PSMC6: variants seen among roughly 807,000 people sequenced by gnomAD.
PSMC6 encodes proteasome 26S subunit, ATPase 6, also known as 26S proteasome regulatory subunit 10B.
In PSMC6, 3 loss-of-function variants were observed where a neutral mutation model predicts 55.9. The ratio of observed to expected loss-of-function variants is 0.05; its 90% CI spans 0.02 to 0.14. The LOEUF (loss-of-function observed/expected upper bound fraction) is 0.14, where lower values mean the gene tolerates loss of function less well. PSMC6 is among the 10% of genes least tolerant of loss of function. PSMC6 has a pLI of 1.00. For synonymous variants in PSMC6, 137 were observed against 155.9 expected (o/e 0.88, Z 0.90); for missense variants, 210 against 478.7 (o/e 0.44, Z 5.24).
At chr14:52,719,614 AT>A (rs2041866920) in intron 10 of PSMC6, among the ~76,000 whole-genome samples, 1 of 152,212 alleles carries the variant, frequency 6.6e-6, no homozygotes, top group Non-Finnish European at 1.5e-5. Context: ...AGCATGGGTA[AT>A]GCAGTGTCAA....
Position 52,708,703 on chromosome 14 carries a change from G to A in PSMC6, c.206-61G>A, listed in dbSNP as rs907278116. 19 of 1,605,124 alleles carry A rather than the reference G, an allele frequency of 1.2e-5. No homozygotes were observed. In the Admixed American group the frequency reaches 1.5e-4, roughly 13 times the overall value. On this transcript the variant is annotated intron_variant, in intron 3 of 13. Transcript: ENST00000445930. ...AAATACAACTAAACCCTCTGTCAAC[G>A]TGGGTATGTATTTTTTTACTTTCTA...
intron 6 of PSMC6, among the ~76,000 whole-genome samples, chr14:52,713,265 G>C (rs189116967): frequency 2.4e-3 from 372 of 152,242 alleles, no homozygotes; most frequent in Non-Finnish European, 4.3e-3. Context: ...GGTACTATAA[G>C]TAATTTAAAT....
Position 52,724,051 on chromosome 14 carries a change from TAC to T in PSMC6, c.1051+17_1051+18del, listed in dbSNP as rs1357574944. 9 of 1,602,158 alleles carry T rather than the reference TAC, an allele frequency of 5.6e-6. No individual in the cohort carries two copies. Among genetic ancestry groups the T allele is most frequent in the Non-Finnish European group, 7.7e-6 (9 of 1,170,902 alleles). On this transcript the variant is annotated intron_variant, in intron 13 of 13. Coordinates refer to ENST00000445930, the MANE Select transcript of PSMC6 (RefSeq NM_002806.5). ...TACTGAAGCAGGTAAGGGTTTAAAG[TAC>T]AGTTTTACTATTGATTTTGATTTTT...
In PSMC6 at chr14:52,708,832, T is replaced by A. The variant is rs1487116872; in HGVS notation, c.258+16T>A. On this transcript the variant is annotated intron_variant, in intron 4 of 13. Coordinates refer to ENST00000445930, the MANE Select transcript of PSMC6 (RefSeq NM_002806.5). ...TCGTCGACAGGTAATACTTTATATT[T>A]GTATAGTGCCTGATGATTGACAAAG... is the stretch of plus-strand genomic sequence containing the variant. 2 of 1,612,556 alleles carry A rather than the reference T, an allele frequency of 1.2e-6. No individual in the cohort carries two copies. Among genetic ancestry groups the A allele is most frequent in the Non-Finnish European group, 1.7e-6 (2 of 1,179,586 alleles).
At chr14:52,708,900 G>A (rs2041734321) in intron 4 of PSMC6, 84 bp downstream of exon 4, 3 of 1,573,392 alleles carry the variant, frequency 1.9e-6, no homozygotes, top group East Asian at 2.3e-5. Flanking sequence ...GAGGCAAGCA[G>A]GTGGAGCATT....
At chr14:52,708,876 T>C (rs1308677504) in intron 4 of PSMC6, 60 bp downstream of exon 4, 1 of 1,599,228 alleles carries the variant, frequency 6.3e-7, no homozygotes, top group Non-Finnish European at 8.5e-7. Context: ...TGTAAGTTAT[T>C]GTCTCTAATT....
intron 9 of PSMC6, 63 bp downstream of exon 9, chr14:52,718,415 C>T: frequency 6.6e-7 from 1 of 1,508,246 alleles, no homozygotes; most frequent in Non-Finnish European, 9.1e-7. Flanking sequence ...GAACCTTTTT[C>T]CCTCTCTTAA....
intron 4 of PSMC6, 95 bp from the exon 5 acceptor site, chr14:52,711,006 A>T: frequency 1.5e-6 from 1 of 686,918 alleles, no homozygotes; most frequent in Non-Finnish European, 2.5e-6. Context: ...TCTGGAGGGT[A>T]AAAATGAGTG....
intron 6 of PSMC6, 129 bp downstream of exon 6, chr14:52,711,653 C>CATAA: frequency 2.2e-6 from 1 of 453,690 alleles, no homozygotes; most frequent in Non-Finnish European, 3.9e-6. Context: ...TATGTATTTA[C>CATAA]TATTCTTGCT....
At chr14:52,721,870 A>T (rs947682444) in intron 12 of PSMC6, 2 of 152,474 alleles carry the variant, frequency 1.3e-5, no homozygotes, top group Admixed American at 6.5e-5. Flanking sequence ...AGTTCAAATG[A>T]TCCTCACACC....
At chr14:52,722,392 A>G (rs1175996434) in intron 12 of PSMC6, 5 of 147,132 alleles carry the variant, frequency 3.4e-5, no homozygotes, top group Non-Finnish European at 6.0e-5. Context: ...TTTTTTTTTA[A>G]TAATGCTACT....
chr14:52,716,601 A>G (rs2041832427), intron 7 of PSMC6, among the ~76,000 whole-genome samples: 1 of 152,124 alleles, frequency 6.6e-6, no homozygotes, highest in Non-Finnish European at 1.5e-5. Context: ...TGAAAATACA[A>G]AATTAGCTGG....
Position 52,714,251 on chromosome 14 carries a change from G to A in PSMC6, c.529+283G>A, listed in dbSNP as rs991468518. The stretch of plus-strand genomic sequence containing the variant: ...AGAAGCAATTTTGCCATATTGCTCA[G>A]GCTATCTCAAACTCCTGGACTCAAG... On this transcript the variant is annotated intron_variant, in intron 7 of 13. Transcript: ENST00000445930. 3.3e-5 allele frequency among the ~76,000 whole-genome samples: 5 copies of A among 152,056 alleles called. No individual in the cohort carries two copies. The South Asian group carries it at 8.3e-4, about 25-fold the overall frequency.
chr14:52,710,720 A>G (rs1017865806), intron 4 of PSMC6: 4 of 234,402 alleles, frequency 1.7e-5, no homozygotes, highest in Non-Finnish European at 2.5e-5. Flanking sequence ...GAAGCTGTAC[A>G]TTTCAAAATA....
At chr14:52,708,555 G>C in intron 3 of PSMC6, 33 bp downstream of exon 3, 1 of 1,595,082 alleles carries the variant, frequency 6.3e-7, no homozygotes, top group Non-Finnish European at 8.6e-7. Flanking sequence ...AATTAGTAAA[G>C]AAACAGTCCA....
At chr14:52,712,037 G>A (rs2041778402) in intron 6 of PSMC6, among the ~76,000 whole-genome samples, 1 of 152,104 alleles carries the variant, frequency 6.6e-6, no homozygotes, top group Non-Finnish European at 1.5e-5. Flanking sequence ...AGTCAAATCA[G>A]GATTGCCTTA....
chr14:52,708,841 C>T (rs545749856), intron 4 of PSMC6, 25 bp downstream of exon 4: 3 of 1,608,080 alleles, frequency 1.9e-6, no homozygotes, highest in African/African-American at 2.7e-5. Flanking sequence ...TTGTATAGTG[C>T]CTGATGATTG....
At chr14:52,714,735 G>A (rs1293447305) in intron 7 of PSMC6, among the ~76,000 whole-genome samples, 7 of 151,646 alleles carry the variant, frequency 4.6e-5, no homozygotes, top group Admixed American at 6.6e-5. Flanking sequence ...GCGTGGTGGC[G>A]TGCACCTGTA....
At chr14:52,711,239 T>G (rs1312916788) in intron 5 of PSMC6, 71 bp downstream of exon 5, 1 of 1,423,114 alleles carries the variant, frequency 7.0e-7, no homozygotes, top group Admixed American at 1.9e-5. Flanking sequence ...GATATATGCT[T>G]CTTGAGATCA....
Sources: gnomAD v4.1 joint callset for allele counts (sites outside exome capture counted in the v4.1 genomes callset) on GRCh38, gnomAD v4.1.1 for gene constraint, MANE v1.5 for transcripts, NCBI Gene and HGNC (gene_info 2026-07-23, HGNC 2026-07-21) for gene names.